The following ST3GAL3 variants were observed in gnomAD, a reference collection of about 807,000 sequenced individuals.
ST3GAL3 encodes ST3 beta-galactoside alpha-2,3-sialyltransferase 3.
In ST3GAL3, 21 loss-of-function variants were observed where a neutral mutation model predicts 50.1. The observed-to-expected ratio is 0.42, with a 90% CI of 0.30 to 0.60. The LOEUF (loss-of-function observed/expected upper bound fraction) is 0.60, where lower values mean the gene tolerates loss of function less well. Ranked by LOEUF, ST3GAL3 falls within the 20% of genes least tolerant of loss-of-function variation. The probability of loss-of-function intolerance (pLI) is 0.19; values close to 1 mark genes in which losing one functional copy is unlikely to be tolerated. For missense variants in ST3GAL3, 353 were observed against 489.4 expected, an observed-to-expected ratio of 0.72 and a Z score of 2.63; for synonymous variants, 183 against 190.0, an observed-to-expected ratio of 0.96 and a Z score of 0.30.
At chr1:43,753,864 CCCT>C (rs986454797) in intron 2 of ST3GAL3, among the ~76,000 whole-genome samples, 1 of 152,152 alleles carries the variant, frequency 6.6e-6, no homozygotes, top group African/African-American at 2.4e-5. Flanking sequence ...CTCAGGCACA[CCCT>C]CCTGCTGGAC....
intron 5 of ST3GAL3, among the ~76,000 whole-genome samples, chr1:43,870,590 A>G (rs2072448223): frequency 8.8e-6 from 1 of 113,288 alleles, no homozygotes; most frequent in Non-Finnish European, 1.7e-5. Flanking sequence ...GTGAGACCTC[A>G]GGGGTTGGAA....
chr1:43,892,611 A>G (rs2076834065), intron 5 of ST3GAL3, among the ~76,000 whole-genome samples: 1 of 152,170 alleles, frequency 6.6e-6, no homozygotes, highest in South Asian at 2.1e-4. Context: ...TAAAAGTAAA[A>G]CTTACTGAAC....
At chr1:43,817,509 T>G (rs565265160) in intron 4 of ST3GAL3, among the ~76,000 whole-genome samples, 5 of 148,804 alleles carry the variant, frequency 3.4e-5, no homozygotes, top group Admixed American at 2.0e-4. Flanking sequence ...TCCTTTTTCC[T>G]TCTTCTTCAT....
In ST3GAL3 at chr1:43,862,051, G is replaced by A. The variant is rs138312063; in HGVS notation, c.302+23740G>A. On this transcript the variant is annotated intron_variant, in intron 5 of 11. Transcript: ENST00000347631. ...CTTAAAAAAAAAAAAAAAAAAGAGA[G>A]ACAACTACTGCTTTTACTTCAGTGA... is the stretch of plus-strand genomic sequence containing the variant. Among the ~76,000 whole-genome samples the A allele has an allele frequency of 5.1e-4, 77 of 151,152 alleles. 1 individual carries two copies. The highest frequency in any genetic ancestry group is 6.8e-3 in the Middle Eastern group (2 of 294).
intron 5 of ST3GAL3, among the ~76,000 whole-genome samples, chr1:43,853,522 A>G (rs950678655): frequency 6.6e-6 from 1 of 152,154 alleles, no homozygotes; most frequent in African/African-American, 2.4e-5. Context: ...ATATTTAACA[A>G]CCGCCTTCTA....
rs1669683710 is a variant in ST3GAL3, at chr1:43,720,134, C to T, written c.-31+12441C>T. Among the ~76,000 whole-genome samples, 3 of 151,998 alleles carry T rather than the reference C, an allele frequency of 2.0e-5. No homozygotes were observed. The South Asian group carries it at 6.2e-4, about 32-fold the overall frequency. On this transcript the variant is annotated intron_variant, in intron 1 of 11. Transcript: ENST00000347631. ...GTCCCAGCTGCTGAGGAAGCTGAAG[C>T]AGGAAGATCGCTTGAGCCTAGGAGG...
rs1352157394 is a variant in ST3GAL3 at position 43,737,034 on chromosome 1, GT to G, written c.118+656del. 1.6e-4 allele frequency: 25 copies of G among 152,226 alleles called. No individual in the cohort carries two copies. Among genetic ancestry groups the G allele is most frequent in the South Asian group, 1.5e-3 (9 of 6,118 alleles). 9.4% of individuals were successfully genotyped at this position (152,226 alleles called of 1,614,324 possible). A position where few individuals can be genotyped will look rare whatever the true frequency, so the allele number is the denominator to read the frequency against. ...TTTACCTGATGTGGCCTGTGTTTTG[GT>G]TCTAGGCTTGCAGTTGAAGGGCTTA... On this transcript the variant is annotated intron_variant, in intron 2 of 11. Transcript: ENST00000347631. The surrounding 1 kb of genome is among the most constrained non-coding windows in gnomAD (Gnocchi z 4.0).
At chr1:43,813,657 C>G (rs1023988748) in intron 3 of ST3GAL3, among the ~76,000 whole-genome samples, 9 of 152,142 alleles carry the variant, frequency 5.9e-5, no homozygotes, top group African/African-American at 2.2e-4. Flanking sequence ...ATTGGCCTTG[C>G]AGAACGACTC....
At position 43,742,916 on chromosome 1, in the gene ST3GAL3, G is replaced by A. The variant is rs139148803; in HGVS notation, c.118+6536G>A. Among the ~76,000 whole-genome samples, 804 of 152,170 alleles carry A rather than the reference G, an allele frequency of 5.3e-3. 16 individuals carry two copies. Among genetic ancestry groups the A allele is most frequent in the African/African-American group, 0.018 (747 of 41,524 alleles). On this transcript the variant is annotated intron_variant, in intron 2 of 11. Coordinates refer to ENST00000347631, the MANE Select transcript of ST3GAL3 (RefSeq NM_006279.5). The stretch of plus-strand genomic sequence containing the variant: ...AGATCGAGACCATCCTGGCCAACAT[G>A]GTGAAACCCTGTCTCTACTAAAAAT...
chr1:43,738,870 T>G (rs1300993328), intron 2 of ST3GAL3: 1 of 152,142 alleles, frequency 6.6e-6, no homozygotes, highest in Non-Finnish European at 1.5e-5. Flanking sequence ...TTGTGAAATT[T>G]AGGCTGTGTT....
chr1:43,847,185 C>A (rs570586335), intron 5 of ST3GAL3, among the ~76,000 whole-genome samples: 1 of 152,300 alleles, frequency 6.6e-6, no homozygotes, highest in African/African-American at 2.4e-5. Flanking sequence ...AAATTAGAAT[C>A]CTTGTGCACT....
At chr1:43,854,347 T>C (rs980209970) in intron 5 of ST3GAL3, among the ~76,000 whole-genome samples, 2 of 152,188 alleles carry the variant, frequency 1.3e-5, no homozygotes, top group African/African-American at 4.8e-5. Context: ...GACAGATAGA[T>C]AGTCTTTCTC....
rs573890554 is a variant in ST3GAL3, at chr1:43,744,382, TG to T, written c.118+8005del. 3.2e-3 allele frequency among the ~76,000 whole-genome samples: 482 copies of T among 152,008 alleles called. 4 individuals are homozygous for T. Among genetic ancestry groups the T allele is most frequent in the Middle Eastern group, 3.4e-3 (1 of 294 alleles). Reference sequence around the variant, plus strand: ...CTCCTACCTCAGCCTCCCGAGTAGCTGGGATTACAGGCACCCGCCATCATGC... The same window carrying T: ...CTCCTACCTCAGCCTCCCGAGTAGCTGGATTACAGGCACCCGCCATCATGC... On this transcript the variant is annotated intron_variant, in intron 2 of 11. Transcript: ENST00000347631.
At chr1:43,817,834 CCTT>C (rs1405143520) in intron 4 of ST3GAL3, among the ~76,000 whole-genome samples, 1 of 138,898 alleles carries the variant, frequency 7.2e-6, no homozygotes, top group Admixed American at 7.1e-5. Context: ...CTTCCTTCCT[CCTT>C]CTTCTTCTCC....
At chr1:43,707,892 C>G (rs958809085) in intron 1 of ST3GAL3, 199 bp downstream of exon 1, 26 of 152,432 alleles carry the variant, frequency 1.7e-4, no homozygotes, top group African/African-American at 6.0e-4. Flanking sequence ...TGGATGACCT[C>G]TCCTGGGTGG....
chr1:43,710,549 T>C (rs1664181534), intron 1 of ST3GAL3, among the ~76,000 whole-genome samples: 1 of 152,182 alleles, frequency 6.6e-6, no homozygotes, highest in Non-Finnish European at 1.5e-5. Context: ...TTTGAATGGC[T>C]CCCCATTATC....
chr1:43,814,241 T>C (rs1180592772), intron 3 of ST3GAL3, among the ~76,000 whole-genome samples: 2 of 152,204 alleles, frequency 1.3e-5, no homozygotes, highest in Non-Finnish European at 2.9e-5. Flanking sequence ...ATGTCCACTT[T>C]GGCCCCCAGA....
At chr1:43,906,638 CCCT>C (rs1337788247) in intron 9 of ST3GAL3, among the ~76,000 whole-genome samples, 2 of 141,598 alleles carry the variant, frequency 1.4e-5, no homozygotes, top group Non-Finnish European at 3.1e-5. Flanking sequence ...CCACTCTTCC[CCCT>C]CCTCCTCCTG....
intron 2 of ST3GAL3, among the ~76,000 whole-genome samples, chr1:43,770,374 A>G (rs756383478): frequency 6.6e-5 from 10 of 152,114 alleles, no homozygotes; most frequent in Non-Finnish European, 1.3e-4. Flanking sequence ...CAAACAGAAC[A>G]GATTTTAAAA....
Sources: allele counts gnomAD v4.1 joint callset (sites outside exome capture counted in the v4.1 genomes callset), GRCh38; gene constraint gnomAD v4.1.1; non-coding constraint Gnocchi (gnomAD v3.1); transcripts MANE v1.5; gene names NCBI Gene and HGNC (gene_info 2026-07-23, HGNC 2026-07-21).